The following SPAST variants were observed in gnomAD, a reference collection of about 807,000 sequenced individuals.
SPAST encodes the protein spastic paraplegia 4 (autosomal dominant; spastin).
In SPAST, 30 loss-of-function variants were observed where a neutral mutation model predicts 76.6. The ratio of observed to expected loss-of-function variants is 0.39; its 90% CI spans 0.29 to 0.53. SPAST has a LOEUF of 0.53. Among genes scored for constraint, SPAST ranks in the 20% least tolerant of loss-of-function variants. The pLI is 0.68. For missense variants in SPAST, 717 were observed against 770.5 expected (o/e 0.93, Z 0.82); for synonymous variants, 305 against 281.0 (o/e 1.09, Z -0.86).
At chr2:32,126,659 T>A (rs922297284) in intron 7 of SPAST, 16 of 222,004 alleles carry the variant, frequency 7.2e-5, no homozygotes, top group East Asian at 1.0e-4. Context: ...TTTTTTTTTT[T>A]AATTTTTTGT....
intron 7 of SPAST, among the ~76,000 whole-genome samples, chr2:32,118,149 GGAAATAA>G (rs1678905245): frequency 6.6e-6 from 1 of 152,130 alleles, no homozygotes; most frequent in Non-Finnish European, 1.5e-5. Flanking sequence ...AACATGTAGT[GGAAATAA>G]GTTGTGTGGC....
chr2:32,145,158 C>A, intron 15 of SPAST, 151 bp downstream of exon 15: 1 of 616,304 alleles, frequency 1.6e-6, no homozygotes, highest in Non-Finnish European at 2.9e-6. Flanking sequence ...GTGGCACAAT[C>A]ATAGTTCACT....
intron 1 of SPAST, among the ~76,000 whole-genome samples, chr2:32,080,173 CTT>C (rs1460492637): frequency 6.6e-6 from 1 of 152,088 alleles, no homozygotes; most frequent in Admixed American, 6.6e-5. Context: ...TTTCTAATGA[CTT>C]ATGATGCTCA....
At position 32,128,415 on chromosome 2, in the gene SPAST, CAGT is replaced by C; in HGVS notation, c.1184_1186del (p.Val395del). 1 of 1,608,470 alleles carries C rather than the reference CAGT, an allele frequency of 6.2e-7. No homozygotes were observed. Among genetic ancestry groups the C allele is most frequent in the Non-Finnish European group, 8.5e-7 (1 of 1,174,986 alleles). On this transcript the variant is annotated inframe_deletion, in exon 9 of 17. Transcript: ENST00000315285. ...CTCTTGTGATTTTTAAAGGCTAAAG[CAGT>C]AGCTGCAGAATCGAATGCAACCTTC... is the stretch of plus-strand genomic sequence containing the variant.
chr2:32,104,352 C>T (rs375929721), intron 4 of SPAST, among the ~76,000 whole-genome samples: 72 of 152,140 alleles, frequency 4.7e-4, no homozygotes, highest in Admixed American at 1.2e-3. Context: ...TGTCTCTGCA[C>T]GTGAGATGGG....
At chr2:32,105,437 G>A (rs890577282) in intron 4 of SPAST, among the ~76,000 whole-genome samples, 3 of 152,026 alleles carry the variant, frequency 2.0e-5, no homozygotes, top group Admixed American at 1.3e-4. Context: ...ATTACCCATC[G>A]TCTGAGGCCT....
intron 1 of SPAST, among the ~76,000 whole-genome samples, chr2:32,070,228 G>A (rs1573038906): frequency 6.6e-6 from 1 of 151,720 alleles, no homozygotes; most frequent in Non-Finnish European, 1.5e-5. Flanking sequence ...ACTATGCCTG[G>A]CTAATATTTT....
intron 3 of SPAST, among the ~76,000 whole-genome samples, chr2:32,094,760 A>G (rs1677857690): frequency 6.6e-6 from 1 of 152,224 alleles, no homozygotes; most frequent in Non-Finnish European, 1.5e-5. Context: ...ACCTGAGGTC[A>G]GGAGTTCGAG....
chr2:32,147,930 CTTT>C (rs71407420), intron 16 of SPAST, among the ~76,000 whole-genome samples: 4 of 116,448 alleles, frequency 3.4e-5, no homozygotes, highest in Non-Finnish European at 5.1e-5. Flanking sequence ...TGCGCCCGGC[CTTT>C]TTTTTTTTTT....
In SPAST at chr2:32,106,849, C is replaced by T. The variant is rs552610806; in HGVS notation, c.683-7789C>T. On this transcript the variant is annotated intron_variant, in intron 4 of 16. Transcript: ENST00000315285. Reference sequence around the variant, plus strand: ...TAAGTATTTTGCCTGTTTCTTTTAGCGTGGCTGTGAAGGGCTGACATTTTC... The same window carrying T: ...TAAGTATTTTGCCTGTTTCTTTTAGTGTGGCTGTGAAGGGCTGACATTTTC... 1.5e-4 allele frequency among the ~76,000 whole-genome samples: 23 copies of T among 150,622 alleles called. No homozygotes were observed. In the South Asian group the frequency reaches 1.9e-3, roughly 12 times the overall value.
In SPAST at chr2:32,154,384, T is replaced by C. The variant is rs1553321202; in HGVS notation, c.1739T>C (p.Ile580Thr). The C allele has an allele frequency of 6.2e-7, 1 of 1,613,068 alleles. No individual in the cohort carries two copies. The highest frequency in any genetic ancestry group is 1.1e-5 in the South Asian group (1 of 91,048). The change falls in exon 17 of 17, where the codon ATT (isoleucine) becomes ACT (threonine). Residue 580 changes from isoleucine to threonine, a missense_variant. Ile to Thr is a moderately conservative substitution (Grantham distance 89). Coordinates refer to ENST00000315285, the MANE Select transcript of SPAST (RefSeq NM_014946.4). ...KNMSASEMRN[I>T]RLSDFTESLK... ...TTTTTAAAAATCTAGATGAGAAATATTCGATTATCTGACTTCACTGAATCC... is the reference window on the plus strand; with the variant it reads ...TTTTTAAAAATCTAGATGAGAAATACTCGATTATCTGACTTCACTGAATCC...
At chr2:32,107,475 A>ATC (rs1678370117) in intron 4 of SPAST, among the ~76,000 whole-genome samples, 1 of 151,870 alleles carries the variant, frequency 6.6e-6, no homozygotes, top group African/African-American at 2.4e-5. Flanking sequence ...CTAGTCTGAG[A>ATC]CTCCTGACCT....
Position 32,063,659 on chromosome 2 carries a change from A to T in SPAST, c.-173A>T, listed in dbSNP as rs1017612149. 7.5e-6 allele frequency: 6 copies of T among 798,176 alleles called. No individual in the cohort carries two copies. The highest frequency in any genetic ancestry group is 5.4e-5 in the African/African-American group (3 of 55,064). 49.4% of individuals were successfully genotyped at this position (798,176 alleles called of 1,614,324 possible). ...GGAGAAGGGGTTGTGCTCCTGGCCGAGGAAGGAGAAAGGGGCGGGGCCGGC... is the reference window on the plus strand; with the variant it reads ...GGAGAAGGGGTTGTGCTCCTGGCCGTGGAAGGAGAAAGGGGCGGGGCCGGC... On this transcript the variant is annotated 5_prime_UTR_variant, in exon 1 of 17. Transcript: ENST00000315285.
chr2:32,089,791 G>A (rs553412070), intron 3 of SPAST, among the ~76,000 whole-genome samples, 186 bp downstream of exon 3: 29 of 151,392 alleles, frequency 1.9e-4, no homozygotes, highest in African/African-American at 7.0e-4. Context: ...TGAGATGGAC[G>A]CTTGCTCTGT....
intron 2 of SPAST, 69 bp downstream of exon 2, chr2:32,087,647 C>T (rs971402218): frequency 4.7e-5 from 24 of 515,988 alleles, no homozygotes; most frequent in South Asian, 2.0e-4. Flanking sequence ...GATTTCAGAT[C>T]TATTTATTTA....
At chr2:32,109,870 G>GTATATA in intron 4 of SPAST, among the ~76,000 whole-genome samples, 1 of 147,860 alleles carries the variant, frequency 6.8e-6, no homozygotes, top group South Asian at 2.1e-4. Context: ...ATATCTATAT[G>GTATATA]CATATACATA....
chr2:32,087,906 C>CA (rs1306786630), intron 2 of SPAST, among the ~76,000 whole-genome samples: 2 of 150,276 alleles, frequency 1.3e-5, no homozygotes, highest in African/African-American at 4.9e-5. Context: ...GTTTTTGAGA[C>CA]AGAGTCTCGC....
chr2:32,076,419 A>G (rs1161064669), intron 1 of SPAST, among the ~76,000 whole-genome samples: 1 of 152,080 alleles, frequency 6.6e-6, no homozygotes, highest in Non-Finnish European at 1.5e-5. Flanking sequence ...ACAGGGTCCT[A>G]CTGTATTACC....
At chr2:32,153,198 T>C (rs1215987355) in intron 16 of SPAST, among the ~76,000 whole-genome samples, 2 of 152,150 alleles carry the variant, frequency 1.3e-5, no homozygotes, top group Non-Finnish European at 2.9e-5. Flanking sequence ...TACGGATAAA[T>C]ACCAGTTGTT....
Sources: allele counts gnomAD v4.1 joint callset (sites outside exome capture counted in the v4.1 genomes callset), GRCh38; gene constraint gnomAD v4.1.1; transcripts MANE v1.5; gene names NCBI Gene and HGNC (gene_info 2026-07-23, HGNC 2026-07-21).